Variants in ATP23 observed in about 807,000 individuals in gnomAD.
ATP23 encodes the protein mitochondrial inner membrane protease ATP23 homolog.
In ATP23, 24 loss-of-function variants were observed where a neutral mutation model predicts 28.5. The ratio of observed to expected loss-of-function variants is 0.84; its 90% CI spans 0.61 to 1.18. The LOEUF (loss-of-function observed/expected upper bound fraction) is 1.18, where lower values mean the gene tolerates loss of function less well. Ranked by LOEUF, ATP23 falls within the 50% of genes most tolerant of loss-of-function variation. The pLI, the probability that ATP23 is intolerant of heterozygous loss-of-function variation, is 0.00. For missense variants in ATP23, 274 were observed against 306.4 expected (o/e 0.89, Z 0.79); for synonymous variants, 99 against 108.6 (o/e 0.91, Z 0.55).
chr12:57,943,448 G>A (rs1165352803), intron 1 of ATP23, among the ~76,000 whole-genome samples: 1 of 152,202 alleles, frequency 6.6e-6, no homozygotes, highest in Admixed American at 6.5e-5. Context: ...GGGGAGCCAA[G>A]GCAGGGGGAT....
chr12:57,949,866 ATC>A (rs36067005), intron 3 of ATP23: 19,535 of 152,050 alleles, frequency 0.13, 2,166 homozygotes, highest in African/African-American at 0.3. Context: ...ACCATCCCCC[ATC>A]TCCCCACTCA....
chr12:57,952,069 T>C (rs947987882), intron 4 of ATP23, among the ~76,000 whole-genome samples, 174 bp downstream of exon 4: 3 of 152,228 alleles, frequency 2.0e-5, no homozygotes, highest in African/African-American at 7.2e-5. Context: ...AAATTTAAAG[T>C]GTATTTTTAG....
At chr12:57,944,168 C>G (rs944316942) in intron 1 of ATP23, among the ~76,000 whole-genome samples, 1 of 151,496 alleles carries the variant, frequency 6.6e-6, no homozygotes, top group African/African-American at 2.4e-5. Context: ...TGCCTGCTAC[C>G]TGGTATTCAC....
At chr12:57,950,613 C>G (rs1592277535) in intron 3 of ATP23, among the ~76,000 whole-genome samples, 1 of 152,006 alleles carries the variant, frequency 6.6e-6, no homozygotes, top group Non-Finnish European at 1.5e-5. Context: ...CAGCACCAAC[C>G]TCCTGGGCTC....
chr12:57,946,374 C>T (rs1044050029), intron 2 of ATP23, among the ~76,000 whole-genome samples: 1 of 151,786 alleles, frequency 6.6e-6, no homozygotes, highest in Non-Finnish European at 1.5e-5. Flanking sequence ...TTCTGACATC[C>T]ACTTCTTAAC....
chr12:57,958,204 C>T lies in ATP23; in HGVS notation c.*1314C>T, dbSNP rs1232745560. Among the ~76,000 whole-genome samples, 3 of 152,172 alleles carry T rather than the reference C, an allele frequency of 2.0e-5. No individual in the cohort carries two copies. Among genetic ancestry groups the T allele is most frequent in the South Asian group, 2.1e-4 (1 of 4,832 alleles). ...TCCAGTGACCTGGGAATCTCACCCT[C>T]ATCTCCCACAACAGTCACAGCAAGA... On this transcript the variant is annotated 3_prime_UTR_variant, in exon 6 of 6. Transcript: ENST00000300145.
chr12:57,943,802 T>C (rs891283977), intron 1 of ATP23, among the ~76,000 whole-genome samples: 1 of 151,918 alleles, frequency 6.6e-6, no homozygotes, highest in East Asian at 1.9e-4. Flanking sequence ...TGGAAATAGA[T>C]AGGATGTGAG....
At chr12:57,947,720 A>G (rs1956776185) in intron 3 of ATP23, among the ~76,000 whole-genome samples, 1 of 152,224 alleles carries the variant, frequency 6.6e-6, no homozygotes, top group African/African-American at 2.4e-5. Flanking sequence ...TAAATGAGAT[A>G]TCTCTTATAG....
intron 3 of ATP23, among the ~76,000 whole-genome samples, chr12:57,950,480 G>A (rs919794765): frequency 6.6e-6 from 1 of 151,156 alleles, no homozygotes; most frequent in African/African-American, 2.4e-5. Context: ...TCCTTCCACA[G>A]AGAAACCTTC....
At chr12:57,949,554 C>T (rs1161614014) in intron 3 of ATP23, among the ~76,000 whole-genome samples, 3 of 152,098 alleles carry the variant, frequency 2.0e-5, no homozygotes, top group Admixed American at 6.5e-5. Context: ...AGTGCAGTGG[C>T]GCAATCATGG....
chr12:57,958,956 A>G lies in ATP23; in HGVS notation c.*2066A>G, dbSNP rs1350271385. Among the ~76,000 whole-genome samples the G allele has an allele frequency of 1.3e-5, 2 of 152,234 alleles. No homozygotes were observed. The highest frequency in any genetic ancestry group is 2.9e-5 in the Non-Finnish European group (2 of 68,042). ...AGCTAATCAGGGAGGCACCAGAGAA[A>G]GGCAAAGCCCAGTGCAAGGAAATCC... On this transcript the variant is annotated 3_prime_UTR_variant, in exon 6 of 6. Transcript: ENST00000300145.
intron 5 of ATP23, 27 bp downstream of exon 5, chr12:57,953,716 C>A: frequency 1.3e-6 from 2 of 1,559,118 alleles, no homozygotes; most frequent in East Asian, 2.2e-5. Context: ...AATCACTTCC[C>A]CTCCAGAGTG....
At chr12:57,942,789 C>T (rs1956720281) in intron 1 of ATP23, among the ~76,000 whole-genome samples, 1 of 152,066 alleles carries the variant, frequency 6.6e-6, no homozygotes, top group Non-Finnish European at 1.5e-5. Flanking sequence ...AAGAGGCCAA[C>T]GACCCCACAA....
Position 57,941,907 on chromosome 12 carries a change from A to G in ATP23, c.187+19A>G, listed in dbSNP as rs780809265. 1.9e-6 allele frequency: 3 copies of G among 1,610,356 alleles called. No individual in the cohort carries two copies. The South Asian group carries it at 3.3e-5, about 18-fold the overall frequency. On this transcript the variant is annotated intron_variant, in intron 1 of 5. Transcript: ENST00000300145. The stretch of plus-strand genomic sequence containing the variant: ...GAGACAAGTAGGAGCCATGACCTGG[A>G]GGCTGTGGTTCCACAGAATGGGTCT...
chr12:57,945,787 A>G, intron 2 of ATP23, 114 bp downstream of exon 2: 2 of 928,304 alleles, frequency 2.2e-6, no homozygotes, highest in South Asian at 1.4e-5. Context: ...AGTCTTTTCC[A>G]TAGGGTAAAT....
rs1392956893 is a variant in ATP23 at position 57,958,801 on chromosome 12, C to A, written c.*1911C>A. Reference sequence around the variant, plus strand: ...AAATGAGAAGGAACCAGAAAACTAACCCTGGTAATATGACAAAACAAAAGC... The same window carrying A: ...AAATGAGAAGGAACCAGAAAACTAAACCTGGTAATATGACAAAACAAAAGC... On this transcript the variant is annotated 3_prime_UTR_variant, in exon 6 of 6. Transcript: ENST00000300145. 6.6e-6 allele frequency among the ~76,000 whole-genome samples: 1 copy of A among 152,190 alleles called. No homozygotes were observed. Among genetic ancestry groups the A allele is most frequent in the East Asian group, 1.9e-4 (1 of 5,190 alleles).
At chr12:57,943,051 A>T (rs999802231) in intron 1 of ATP23, among the ~76,000 whole-genome samples, 1 of 152,144 alleles carries the variant, frequency 6.6e-6, no homozygotes, top group Non-Finnish European at 1.5e-5. Flanking sequence ...CCTTCTTGGG[A>T]TTACCTGCTT....
intron 1 of ATP23, among the ~76,000 whole-genome samples, chr12:57,943,995 T>C (rs1956734902): frequency 6.6e-6 from 1 of 151,452 alleles, no homozygotes; most frequent in African/African-American, 2.4e-5. Flanking sequence ...TTTTTTTTTT[T>C]TTTTCACCAA....
intron 3 of ATP23, among the ~76,000 whole-genome samples, chr12:57,948,246 G>A: frequency 6.6e-6 from 1 of 152,040 alleles, no homozygotes; most frequent in East Asian, 1.9e-4. Context: ...GTTGAACACA[G>A]TTGGGCACCC....
Sources: allele counts gnomAD v4.1 joint callset (sites outside exome capture counted in the v4.1 genomes callset), GRCh38; gene constraint gnomAD v4.1.1; transcripts MANE v1.5; gene names NCBI Gene and HGNC (gene_info 2026-07-23, HGNC 2026-07-21).